Variants in PTPRA observed in about 807,000 individuals in gnomAD.
PTPRA encodes the protein receptor-type tyrosine-protein phosphatase alpha.
Under a neutral mutation model 104.8 loss-of-function variants are expected in PTPRA, and 25 were observed. The observed-to-expected ratio is 0.24, with a 90% confidence interval of 0.17 to 0.33. The LOEUF is 0.33. PTPRA is among the 10% of genes least tolerant of loss of function. PTPRA has a pLI of 1.00. For synonymous variants in PTPRA, 323 were observed against 368.9 expected (o/e 0.88, Z 1.43); for missense variants, 765 against 1,015.3 (o/e 0.75, Z 3.35).
chr20:2,911,127 A>G (rs1383214905), intron 1 of PTPRA, among the ~76,000 whole-genome samples: 1 of 152,022 alleles, frequency 6.6e-6, no homozygotes, highest in Non-Finnish European at 1.5e-5. Context: ...TTAAATATTT[A>G]TTAATAGAAG....
rs1188045367 is a variant in PTPRA at position 2,965,087 on chromosome 20, A to G, written c.300A>G (p.Thr100=). The G allele has an allele frequency of 6.2e-7, 1 of 1,614,028 alleles. No homozygotes were observed. The highest frequency in any genetic ancestry group is 1.3e-5 in the African/African-American group (1 of 75,012). Residue 100 remains threonine (T), a synonymous_variant, in exon 5 of 24, where the codon ACA becomes ACG. Transcript: ENST00000399903. ...CAAGCACCAATTCTATAGGCATTAC[A>G]ATTTCACCAAATGGAACGTGGCTTC... ...RTASTNSIGI[T]ISPNGTWLPD...
chr20:2,949,232 T>C (rs1216029223), intron 3 of PTPRA, among the ~76,000 whole-genome samples: 3 of 152,016 alleles, frequency 2.0e-5, no homozygotes, highest in Non-Finnish European at 2.9e-5. Context: ...GTATAAAAAT[T>C]ACCTATCTAA....
At chr20:2,867,407 A>T in the PTPRA span, among the ~76,000 whole-genome samples, 94 of 152,294 alleles carry the variant, frequency 6.2e-4, no homozygotes, top group South Asian at 9.7e-3. Context: ...TGCCAAAAAG[A>T]ACCATGAACA....
At chr20:2,959,418 ATTTTC>A (rs1469042898) in intron 3 of PTPRA, among the ~76,000 whole-genome samples, 1 of 151,830 alleles carries the variant, frequency 6.6e-6, no homozygotes, top group Non-Finnish European at 1.5e-5. Context: ...TTCTTTGTGT[ATTTTC>A]TTAGCTGTTC....
intron 11 of PTPRA, among the ~76,000 whole-genome samples, chr20:3,013,233 T>C (rs2064264609): frequency 6.6e-6 from 1 of 151,520 alleles, no homozygotes; most frequent in African/African-American, 2.4e-5. Context: ...CACCATGGAG[T>C]AGTGGTGAAA....
At chr20:2,976,959 G>A (rs534503692) in intron 6 of PTPRA, among the ~76,000 whole-genome samples, 1 of 152,144 alleles carries the variant, frequency 6.6e-6, no homozygotes, top group African/African-American at 2.4e-5. Flanking sequence ...CAGGAAACTG[G>A]TTATTTTCTC....
chr20:2,971,509 T>C (rs2062186276), intron 5 of PTPRA, among the ~76,000 whole-genome samples: 1 of 152,206 alleles, frequency 6.6e-6, no homozygotes, highest in Non-Finnish European at 1.5e-5. Flanking sequence ...CTCATCTGCA[T>C]ATATCTTCCA....
At chr20:2,900,282 C>T (rs1046999041) in intron 1 of PTPRA, among the ~76,000 whole-genome samples, 12 of 152,072 alleles carry the variant, frequency 7.9e-5, no homozygotes, top group African/African-American at 2.9e-4. Flanking sequence ...TATCTGGGAC[C>T]ATACAGGCAC....
intron 1 of PTPRA, among the ~76,000 whole-genome samples, chr20:2,875,119 C>T (rs531778667): frequency 2.0e-4 from 30 of 152,236 alleles, no homozygotes; most frequent in African/African-American, 7.0e-4. Flanking sequence ...CTCTCTTATG[C>T]CTAGGCTCTG....
chr20:3,000,519 A>G (rs2063581561), intron 9 of PTPRA, among the ~76,000 whole-genome samples: 1 of 152,210 alleles, frequency 6.6e-6, no homozygotes, highest in African/African-American at 2.4e-5. Context: ...TTGAAAAACA[A>G]TTTGGCCTTA....
chr20:2,886,419 A>T (rs1055499515), intron 1 of PTPRA, among the ~76,000 whole-genome samples: 2 of 152,194 alleles, frequency 1.3e-5, no homozygotes, highest in African/African-American at 4.8e-5. Flanking sequence ...AAGCTGGATA[A>T]TAGGTATATA....
At chr20:2,953,898 T>G (rs200444607) in intron 3 of PTPRA, among the ~76,000 whole-genome samples, 17 of 151,434 alleles carry the variant, frequency 1.1e-4, no homozygotes, top group South Asian at 2.1e-4. Context: ...GCCAGGGTTT[T>G]GTTTTGTTTT....
At chr20:3,007,286 C>A (rs1171141175) in intron 10 of PTPRA, 58 bp from the exon 11 acceptor site, 15 of 1,532,184 alleles carry the variant, frequency 9.8e-6, no homozygotes, top group Non-Finnish European at 1.4e-5. Flanking sequence ...CTGGTTGCGT[C>A]AGGTTCTGTG....
intron 1 of PTPRA, among the ~76,000 whole-genome samples, chr20:2,902,381 C>G (rs1183304942): frequency 6.6e-6 from 1 of 152,122 alleles, no homozygotes; most frequent in African/African-American, 2.4e-5. Flanking sequence ...TTCCCTACTC[C>G]CTTTCTTAAT....
intron 1 of PTPRA, among the ~76,000 whole-genome samples, chr20:2,919,941 T>C (rs2060042957): frequency 1.3e-5 from 2 of 152,174 alleles, no homozygotes; most frequent in African/African-American, 4.8e-5. Flanking sequence ...AAATTAACAT[T>C]TACATGTTCA....
At chr20:3,014,320 G>T (rs73583875) in intron 11 of PTPRA, among the ~76,000 whole-genome samples, 3,412 of 152,202 alleles carry the variant, frequency 0.022, 124 homozygotes, top group African/African-American at 0.076. Flanking sequence ...ACCCTGCCCT[G>T]CCCTTGTTTG....
chr20:2,998,738 A>G (rs2063504791), intron 9 of PTPRA, among the ~76,000 whole-genome samples: 1 of 152,160 alleles, frequency 6.6e-6, no homozygotes, highest in African/African-American at 2.4e-5. Context: ...TTAAAAGTGA[A>G]TGAGATTCAG....
chr20:2,892,977 AT>A (rs1555800426), intron 1 of PTPRA, among the ~76,000 whole-genome samples: 3 of 152,248 alleles, frequency 2.0e-5, no homozygotes, highest in Non-Finnish European at 4.4e-5. Context: ...GTTTTTATAC[AT>A]TTATGAAGAT....
Position 2,988,272 on chromosome 20 carries a change from T to C in PTPRA, c.602-66T>C, listed in dbSNP as rs1024386843. 5.1e-6 allele frequency: 8 copies of C among 1,559,536 alleles called. No individual in the cohort carries two copies. The African/African-American group carries it at 6.9e-5, about 13-fold the overall frequency. On this transcript the variant is annotated intron_variant, in intron 8 of 23. Coordinates refer to ENST00000399903, the MANE Select transcript of PTPRA (RefSeq NM_001385305.1). The stretch of plus-strand genomic sequence containing the variant: ...CTTGGTCCATGAGGTAGAACCCCGT[T>C]TAGCCTCCAGAAGAGGGGCTAGGTT...
Sources: allele counts gnomAD v4.1 joint callset (sites outside exome capture counted in the v4.1 genomes callset), GRCh38; gene constraint gnomAD v4.1.1; transcripts MANE v1.5; gene names NCBI Gene and HGNC (gene_info 2026-07-23, HGNC 2026-07-21).